Variants in ASXL3 observed in about 807,000 individuals in gnomAD.
ASXL3 encodes ASXL transcriptional regulator 3, also known as putative Polycomb group protein ASXL3.
ASXL3 carries 34 observed loss-of-function variants against 170.6 expected under a neutral mutation model. That is an observed-to-expected ratio of 0.20 (90% CI 0.15 to 0.27). The LOEUF is 0.27. ASXL3 is among the 10% of genes least tolerant of loss of function. ASXL3 has a pLI of 1.00. For missense variants in ASXL3, 2,592 were observed against 2,695.3 expected, an observed-to-expected ratio of 0.96 and a Z score of 0.85; for synonymous variants, 1,002 against 989.1, an observed-to-expected ratio of 1.01 and a Z score of -0.24.
At chr18:33,740,798 G>A (rs1387181412) in intron 11 of ASXL3, among the ~76,000 whole-genome samples, 1 of 152,068 alleles carries the variant, frequency 6.6e-6, no homozygotes, top group African/African-American at 2.4e-5. Context: ...TTCTATAAAA[G>A]TTCTTTAGAG....
chr18:33,743,190 T>G lies in ASXL3; in HGVS notation c.3342T>G (p.His1114Gln). 1 of 1,613,928 alleles carries G rather than the reference T, an allele frequency of 6.2e-7. No individual in the cohort carries two copies. Among genetic ancestry groups the G allele is most frequent in the Non-Finnish European group, 8.5e-7 (1 of 1,179,880 alleles). Reference sequence around the variant, plus strand: ...CAAAGGCTAAGCTCTTTGCAAAGCATCAAGCTCGAGCCCATCTCTTCCAGA... The same window carrying G: ...CAAAGGCTAAGCTCTTTGCAAAGCAGCAAGCTCGAGCCCATCTCTTCCAGA... ...EQTKAKLFAK[H>Q]QARAHLFQTS... The change falls in exon 12 of 12, where the codon CAT becomes CAG. Residue 1114 changes from histidine (H) to glutamine (Q), a missense_variant. This residue lies in a region of ASXL3 where 2,246 missense variants were observed against 2,219.6 expected (regional missense o/e 1.01). Transcript: ENST00000269197.
chr18:33,703,782 A>G (rs1018370134), intron 8 of ASXL3, among the ~76,000 whole-genome samples: 4 of 152,112 alleles, frequency 2.6e-5, no homozygotes, highest in African/African-American at 9.7e-5. Context: ...AGATTCTTGC[A>G]GTAGTTTCCA....
chr18:33,717,132 C>G (rs1039979889), intron 8 of ASXL3, among the ~76,000 whole-genome samples: 2 of 152,026 alleles, frequency 1.3e-5, no homozygotes, highest in Non-Finnish European at 2.9e-5. Flanking sequence ...CAGCTATAGC[C>G]TGAGTAATAG....
intron 1 of ASXL3, among the ~76,000 whole-genome samples, chr18:33,596,349 T>C (rs1417826788): frequency 6.6e-6 from 1 of 152,142 alleles, no homozygotes; most frequent in Non-Finnish European, 1.5e-5. Flanking sequence ...TTATTGTATT[T>C]CATTTTAGTG....
At chr18:33,707,017 C>A (rs1020552662) in intron 8 of ASXL3, among the ~76,000 whole-genome samples, 2 of 151,592 alleles carry the variant, frequency 1.3e-5, no homozygotes, top group African/African-American at 4.8e-5. Flanking sequence ...TTCCCCCCAC[C>A]CCCACAGTGT....
At chr18:33,648,225 G>GA (rs2065945727) in intron 4 of ASXL3, among the ~76,000 whole-genome samples, 2 of 151,988 alleles carry the variant, frequency 1.3e-5, no homozygotes, top group African/African-American at 4.8e-5. Context: ...CGAGAACAAG[G>GA]AAAAAAGCAG....
At chr18:33,581,053 A>C (rs961581665) in intron 1 of ASXL3, among the ~76,000 whole-genome samples, 2 of 152,096 alleles carry the variant, frequency 1.3e-5, no homozygotes, top group Admixed American at 6.6e-5. Context: ...GTCACCATTA[A>C]CCAAATTAAT....
intron 5 of ASXL3, among the ~76,000 whole-genome samples, chr18:33,665,621 A>G (rs2145242262): frequency 6.6e-6 from 1 of 152,332 alleles, no homozygotes; most frequent in African/African-American, 2.4e-5. Context: ...ACTTGCTTAA[A>G]ATTCCAAGTT....
chr18:33,673,615 C>A (rs1159147187), intron 7 of ASXL3, among the ~76,000 whole-genome samples: 1 of 152,158 alleles, frequency 6.6e-6, no homozygotes, highest in African/African-American at 2.4e-5. Flanking sequence ...ATCCGCCTGC[C>A]TTTGCCTCCC....
chr18:33,603,850 C>CAAAG (rs935437542), intron 1 of ASXL3, among the ~76,000 whole-genome samples: 3 of 151,952 alleles, frequency 2.0e-5, no homozygotes, highest in East Asian at 1.9e-4. Context: ...ATTTGTTTTA[C>CAAAG]AAAGAAAGAA....
At position 33,578,572 on chromosome 18, in the gene ASXL3, A is replaced by T; in HGVS notation, c.-60A>T. 9.0e-7 allele frequency: 1 copy of T among 1,113,814 alleles called. No individual in the cohort carries two copies. The highest frequency in any genetic ancestry group is 1.2e-6 in the Non-Finnish European group (1 of 863,296). 69.0% of individuals were successfully genotyped at this position (1,113,814 alleles called of 1,614,324 possible). ...ACTGGGTCATTGTCTCCGCGCCCGA[A>T]CCCCGAGCACCCCGTGGAATCCCCC... is the stretch of plus-strand genomic sequence containing the variant. On this transcript the variant is annotated 5_prime_UTR_variant, in exon 1 of 12. Coordinates refer to ENST00000269197, the MANE Select transcript of ASXL3 (RefSeq NM_030632.3).
chr18:33,585,353 C>T (rs1456139250), intron 1 of ASXL3, among the ~76,000 whole-genome samples: 2 of 151,872 alleles, frequency 1.3e-5, no homozygotes, highest in African/African-American at 4.8e-5. Flanking sequence ...GGAAACTTTC[C>T]CTGAAGAGCC....
rs2145448082 is a variant in ASXL3 at position 33,751,094 on chromosome 18, T to G, written c.*4499T>G. ...ATACCATAAGTTAAATGAAATGAAATGTTTGTCTCTTCATGTTTCTCTGTC... is the reference window on the plus strand; with the variant it reads ...ATACCATAAGTTAAATGAAATGAAAGGTTTGTCTCTTCATGTTTCTCTGTC... On this transcript the variant is annotated 3_prime_UTR_variant, in exon 12 of 12. Transcript: ENST00000269197. 6.6e-6 allele frequency: 1 copy of G among 152,286 alleles called. No homozygotes were observed. Among genetic ancestry groups the G allele is most frequent in the South Asian group, 2.1e-4 (1 of 4,830 alleles). The allele number at this position is 152,286 out of a possible 1,614,324, so 9.4% of individuals were successfully genotyped here. A position where few individuals can be genotyped will look rare whatever the true frequency, so the allele number is the denominator to read the frequency against.
intron 8 of ASXL3, among the ~76,000 whole-genome samples, chr18:33,695,563 C>G (rs995704920): frequency 6.6e-6 from 1 of 152,072 alleles, no homozygotes; most frequent in East Asian, 1.9e-4. Context: ...TCCTGTTCAT[C>G]GGTATCTGCT....
At chr18:33,578,902 C>G (rs1436296081) in intron 1 of ASXL3, 1 of 205,978 alleles carries the variant, frequency 4.9e-6, no homozygotes, top group African/African-American at 2.4e-5. Context: ...TCCGGGAGCC[C>G]CGCGTCCGGG....
intron 1 of ASXL3, among the ~76,000 whole-genome samples, chr18:33,585,364 C>G (rs962094391): frequency 2.6e-5 from 4 of 151,942 alleles, no homozygotes; most frequent in Non-Finnish European, 4.4e-5. Flanking sequence ...CTGAAGAGCC[C>G]TTGGGGAACA....
chr18:33,591,501 G>T (rs1308163429), intron 1 of ASXL3, among the ~76,000 whole-genome samples: 1 of 151,910 alleles, frequency 6.6e-6, no homozygotes, highest in Non-Finnish European at 1.5e-5. Flanking sequence ...TTATTTCTTT[G>T]TCATTTTTTG....
At chr18:33,660,654 T>C (rs1157334998) in intron 4 of ASXL3, among the ~76,000 whole-genome samples, 1 of 152,196 alleles carries the variant, frequency 6.6e-6, no homozygotes, top group Non-Finnish European at 1.5e-5. Flanking sequence ...GCCTTTGACA[T>C]ATGCCTCCAT....
intron 4 of ASXL3, among the ~76,000 whole-genome samples, chr18:33,653,908 C>T (rs181709149): frequency 6.6e-6 from 1 of 151,786 alleles, no homozygotes; most frequent in East Asian, 1.9e-4. Context: ...ATGGTCACCC[C>T]TTCATCTTAA....
Sources: gnomAD v4.1 joint callset for allele counts (sites outside exome capture counted in the v4.1 genomes callset) on GRCh38, gnomAD v4.1.1 for gene constraint, gnomAD v4.1.1 regional missense constraint, MANE v1.5 for transcripts, NCBI Gene and HGNC (gene_info 2026-07-23, HGNC 2026-07-21) for gene names.